Variants in ZNF385B observed in about 807,000 individuals in gnomAD.
ZNF385B encodes zinc finger protein 533.
ZNF385B carries 23 observed loss-of-function variants against 39.2 expected under a neutral mutation model. The observed-to-expected ratio is 0.59, with a 90% CI of 0.42 to 0.83. The LOEUF (loss-of-function observed/expected upper bound fraction) is 0.83. Ranked by LOEUF, ZNF385B falls within the 40% of genes least tolerant of loss-of-function variation. The pLI, the probability that ZNF385B is intolerant of heterozygous loss-of-function variation, is 0.00. For missense variants in ZNF385B, 552 were observed against 598.9 expected (o/e 0.92, Z 0.82); for synonymous variants, 205 against 222.6 (o/e 0.92, Z 0.70).
chr2:179,464,819 T>G (rs1559271935), intron 6 of ZNF385B, among the ~76,000 whole-genome samples: 1 of 152,334 alleles, frequency 6.6e-6, no homozygotes, highest in African/African-American at 2.4e-5. Context: ...CAGGATTGTC[T>G]TGGCTATGTG....
intron 3 of ZNF385B, among the ~76,000 whole-genome samples, chr2:179,565,722 T>G (rs886573245): frequency 3.9e-5 from 6 of 152,226 alleles, no homozygotes; most frequent in African/African-American, 1.4e-4. Context: ...TCGTCCCTTT[T>G]TGTCTCCTTT....
At chr2:179,797,162 C>A (rs1471642709) in intron 1 of ZNF385B, among the ~76,000 whole-genome samples, 1 of 152,022 alleles carries the variant, frequency 6.6e-6, no homozygotes, top group African/African-American at 2.4e-5. Flanking sequence ...ATCTTAAGTA[C>A]ACTTTTATTT....
At chr2:179,523,876 A>G (rs1449005000) in intron 4 of ZNF385B, among the ~76,000 whole-genome samples, 1 of 152,152 alleles carries the variant, frequency 6.6e-6, no homozygotes, top group African/African-American at 2.4e-5. Flanking sequence ...TTAAACTCAT[A>G]GGATCAAATG....
rs2060136225 is a variant in ZNF385B, at chr2:179,544,954, G to A, written c.314C>T (p.Thr105Ile). ...GCGCACAAGAGCAGGAAGGGTAGTA[G>A]TGTGGCATGTACTGCCTGCCAAGAA... is the stretch of plus-strand genomic sequence containing the variant. ...SNSSTGSTCH[T>I]TTLPALVRTP... The change falls in exon 4 of 10, where the codon ACT (threonine) becomes ATT (isoleucine). Residue 105 changes from threonine (T) to isoleucine (I), a missense_variant. Coordinates refer to ENST00000410066, the MANE Select transcript of ZNF385B (RefSeq NM_152520.6). The A allele has an allele frequency of 6.2e-7, 1 of 1,613,820 alleles. No individual in the cohort carries two copies. Among genetic ancestry groups the A allele is most frequent in the Non-Finnish European group, 8.5e-7 (1 of 1,179,862 alleles).
At chr2:179,859,643 T>C (rs1171073838) in intron 1 of ZNF385B, among the ~76,000 whole-genome samples, 1 of 152,216 alleles carries the variant, frequency 6.6e-6, no homozygotes. Context: ...CAAATCACTT[T>C]TGGAAATAGG....
chr2:179,565,187 C>G (rs1684416101), intron 3 of ZNF385B, among the ~76,000 whole-genome samples: 1 of 152,184 alleles, frequency 6.6e-6, no homozygotes, highest in Admixed American at 6.5e-5. Flanking sequence ...TGTGGCTTCT[C>G]TCAGTGAGTT....
chr2:179,763,062 G>A (rs1192170160), intron 3 of ZNF385B, among the ~76,000 whole-genome samples: 1 of 152,090 alleles, frequency 6.6e-6, no homozygotes, highest in Non-Finnish European at 1.5e-5. Flanking sequence ...TTGTCACCAT[G>A]CTAGGTAAAT....
At chr2:179,722,896 TGA>T (rs1700781781) in intron 3 of ZNF385B, among the ~76,000 whole-genome samples, 1 of 152,096 alleles carries the variant, frequency 6.6e-6, no homozygotes, top group Non-Finnish European at 1.5e-5. Context: ...AATGGTCACA[TGA>T]TATGAATAGG....
At chr2:179,815,129 G>A (rs1409987644) in intron 1 of ZNF385B, among the ~76,000 whole-genome samples, 5 of 152,174 alleles carry the variant, frequency 3.3e-5, no homozygotes, top group African/African-American at 7.2e-5. Flanking sequence ...ACAAATCGAT[G>A]AGCTGGGAGA....
chr2:179,626,907 C>T (rs1329771764), intron 3 of ZNF385B, among the ~76,000 whole-genome samples: 1 of 152,100 alleles, frequency 6.6e-6, no homozygotes, highest in African/African-American at 2.4e-5. Context: ...CAATATAACC[C>T]TTAGGCTTAT....
intron 3 of ZNF385B, among the ~76,000 whole-genome samples, chr2:179,732,045 CT>C (rs998656234): frequency 1.3e-5 from 2 of 152,196 alleles, no homozygotes; most frequent in African/African-American, 4.8e-5. Flanking sequence ...AGATCGCTCT[CT>C]TTTTTGCACA....
At chr2:179,847,092 T>C (rs1708835198) in intron 1 of ZNF385B, among the ~76,000 whole-genome samples, 1 of 152,244 alleles carries the variant, frequency 6.6e-6, no homozygotes, top group Non-Finnish European at 1.5e-5. Flanking sequence ...AACACAAATA[T>C]ACTCTTCCCC....
chr2:179,449,409 GA>G (rs1396062583), intron 6 of ZNF385B, among the ~76,000 whole-genome samples: 4 of 152,082 alleles, frequency 2.6e-5, no homozygotes, highest in African/African-American at 4.8e-5. Flanking sequence ...AAAGTCTCAG[GA>G]TACAAAATCA....
chr2:179,498,333 C>G (rs2056436628), intron 5 of ZNF385B, among the ~76,000 whole-genome samples: 2 of 151,140 alleles, frequency 1.3e-5, no homozygotes, highest in Non-Finnish European at 3.0e-5. Flanking sequence ...ACATATAGAC[C>G]AAATGGGCCT....
Position 179,443,403 on chromosome 2 carries a change from G to A in ZNF385B, c.1308C>T (p.Leu436=), listed in dbSNP as rs1559220942. ...PLAPAFLSSP[L]AAAAAVSSAL... ...CTGAGGACACGGCTGCCGCCGCTGC[G>A]AGAGGTGAGGACAGGAAGGCTGGGG... The change falls in exon 10 of 10, where the codon CTC becomes CTT. Residue 436 remains leucine, a synonymous_variant. Coordinates refer to ENST00000410066, the MANE Select transcript of ZNF385B (RefSeq NM_152520.6). The A allele has an allele frequency of 6.2e-6, 10 of 1,611,756 alleles. No homozygotes were observed. Among genetic ancestry groups the A allele is most frequent in the East Asian group, 2.2e-5 (1 of 44,846 alleles).
At chr2:179,842,224 G>A (rs1708573068) in intron 1 of ZNF385B, among the ~76,000 whole-genome samples, 1 of 152,188 alleles carries the variant, frequency 6.6e-6, no homozygotes, top group Non-Finnish European at 1.5e-5. Context: ...CAGAGAAGGA[G>A]AATGTGACCC....
intron 4 of ZNF385B, 78 bp downstream of exon 4, chr2:179,544,749 C>CTGTA: frequency 6.4e-7 from 1 of 1,554,610 alleles, no homozygotes; most frequent in Non-Finnish European, 8.8e-7. Context: ...TGGAAACAGG[C>CTGTA]TGTATCTATT....
At chr2:179,841,372 C>T (rs190781133) in intron 1 of ZNF385B, among the ~76,000 whole-genome samples, 5 of 152,268 alleles carry the variant, frequency 3.3e-5, no homozygotes, top group African/African-American at 1.2e-4. Flanking sequence ...GCACTGAGCC[C>T]TGATGGAGGA....
At chr2:179,510,990 T>G (rs568825362) in intron 5 of ZNF385B, among the ~76,000 whole-genome samples, 1 of 152,180 alleles carries the variant, frequency 6.6e-6, no homozygotes, top group African/African-American at 2.4e-5. Context: ...AAAACCCAAG[T>G]GGGTACCCTT....
Sources: allele counts gnomAD v4.1 joint callset (sites outside exome capture counted in the v4.1 genomes callset), GRCh38; gene constraint gnomAD v4.1.1; transcripts MANE v1.5; gene names NCBI Gene and HGNC (gene_info 2026-07-23, HGNC 2026-07-21).